The following CCDC170 variants were observed in gnomAD, a reference collection of about 807,000 sequenced individuals.
CCDC170 encodes coiled-coil domain-containing protein 170.
A neutral mutation model predicts 72.6 loss-of-function variants in CCDC170; 69 were observed. The ratio of observed to expected loss-of-function variants is 0.95; its 90% CI spans 0.78 to 1.16. CCDC170 has a LOEUF of 1.16. Ranked by LOEUF, CCDC170 falls within the 50% of genes most tolerant of loss-of-function variation. The pLI, the probability that CCDC170 is intolerant of heterozygous loss-of-function variation, is 0.00. For synonymous variants in CCDC170, 300 were observed against 303.9 expected, an observed-to-expected ratio of 0.99 and a Z score of 0.13; for missense variants, 852 against 832.5, an observed-to-expected ratio of 1.02 and a Z score of -0.29.
intron 1 of CCDC170, among the ~76,000 whole-genome samples, chr6:151,508,959 G>A (rs1782102682): frequency 6.6e-6 from 1 of 151,278 alleles, no homozygotes; most frequent in Non-Finnish European, 1.5e-5. Flanking sequence ...AGGTTGTGGT[G>A]GGGCGAGATC....
intron 1 of CCDC170, among the ~76,000 whole-genome samples, chr6:151,495,836 T>G (rs1781901581): frequency 6.6e-6 from 1 of 152,200 alleles, no homozygotes; most frequent in South Asian, 2.1e-4. Flanking sequence ...GTGTGTTATC[T>G]CCTATGAATA....
chr6:151,565,588 C>T (rs1776122457), intron 5 of CCDC170, among the ~76,000 whole-genome samples: 1 of 152,182 alleles, frequency 6.6e-6, no homozygotes, highest in African/African-American at 2.4e-5. Context: ...CTGATCTATT[C>T]AAACTGTGAT....
intron 2 of CCDC170, among the ~76,000 whole-genome samples, chr6:151,536,773 CAAAAAAAAAAAA>C (rs55663799): frequency 3.4e-4 from 27 of 79,254 alleles, no homozygotes; most frequent in East Asian, 2.8e-3. Flanking sequence ...GACTCCATCT[CAAAAAAAAAAAA>C]AAAAAAAAAA....
intron 9 of CCDC170, among the ~76,000 whole-genome samples, chr6:151,606,386 A>G (rs1020303434): frequency 2.0e-5 from 3 of 152,102 alleles, no homozygotes; most frequent in South Asian, 2.1e-4. Flanking sequence ...TCCATTTGTC[A>G]TTCAGGTGCA....
At chr6:151,565,696 C>T (rs1776124109) in intron 5 of CCDC170, among the ~76,000 whole-genome samples, 1 of 152,184 alleles carries the variant, frequency 6.6e-6, no homozygotes, top group Non-Finnish European at 1.5e-5. Flanking sequence ...CTTCTAATGT[C>T]CCCTAATTTT....
At chr6:151,512,357 A>G (rs1478292320) in intron 1 of CCDC170, among the ~76,000 whole-genome samples, 1 of 151,740 alleles carries the variant, frequency 6.6e-6, no homozygotes, top group Non-Finnish European at 1.5e-5. Flanking sequence ...AGGAGGTTTC[A>G]CCATGTTGGC....
intron 8 of CCDC170, among the ~76,000 whole-genome samples, chr6:151,595,175 T>C (rs1283116397): frequency 1.3e-5 from 2 of 152,104 alleles, no homozygotes; most frequent in African/African-American, 4.8e-5. Context: ...CTTGATAATA[T>C]ATGATTCTGA....
chr6:151,512,919 C>A (rs1358893371), intron 1 of CCDC170, among the ~76,000 whole-genome samples: 1 of 152,156 alleles, frequency 6.6e-6, no homozygotes, highest in Non-Finnish European at 1.5e-5. Flanking sequence ...TAAGCAGTGA[C>A]CCTTAAAGTC....
In CCDC170 at chr6:151,548,374, T is replaced by A; in HGVS notation, c.659T>A (p.Val220Asp). 1.2e-6 allele frequency: 2 copies of A among 1,613,020 alleles called. No homozygotes were observed. Among genetic ancestry groups the A allele is most frequent in the Non-Finnish European group, 1.7e-6 (2 of 1,179,348 alleles). Residue 220 changes from valine to aspartate, a missense_variant, in exon 5 of 11, where the codon GTC becomes GAC. Val to Asp is a radical substitution (Grantham distance 152, BLOSUM62 -3). Transcript: ENST00000239374. ...QIVILEETINVHEMEAKASRE... is the reference protein window; with the variant it reads ...QIVILEETINDHEMEAKASRE... ...GTTATTCTTGAAGAGACTATAAATG[T>A]CCATGAGATGGAAGCAAAAGCTAGC...
intron 1 of CCDC170, among the ~76,000 whole-genome samples, chr6:151,514,317 A>G (rs1782196816): frequency 7.4e-6 from 1 of 135,158 alleles, no homozygotes; most frequent in Admixed American, 7.7e-5. Flanking sequence ...AACGAAAGAA[A>G]ATGAAAGAAA....
chr6:151,543,428 T>A (rs897384471), intron 3 of CCDC170, among the ~76,000 whole-genome samples: 1 of 146,476 alleles, frequency 6.8e-6, no homozygotes, highest in Non-Finnish European at 1.5e-5. Flanking sequence ...ATCCATCATC[T>A]TGAATATTTA....
intron 1 of CCDC170, among the ~76,000 whole-genome samples, chr6:151,529,475 G>C (rs543733361): frequency 5.9e-5 from 9 of 152,140 alleles, no homozygotes; most frequent in Middle Eastern, 3.4e-3. Flanking sequence ...GGGCCAACAT[G>C]GTGAAACCCC....
intron 5 of CCDC170, among the ~76,000 whole-genome samples, chr6:151,566,690 A>C (rs1436201934): frequency 6.6e-6 from 1 of 152,198 alleles, no homozygotes; most frequent in Admixed American, 6.5e-5. Context: ...GATTAGTATA[A>C]TGAATCACTA....
intron 3 of CCDC170, among the ~76,000 whole-genome samples, chr6:151,543,235 T>A (rs968241930): frequency 3.3e-5 from 5 of 152,200 alleles, no homozygotes; most frequent in Admixed American, 6.5e-5. Context: ...TTTGAAACAA[T>A]ATATTCATAA....
intron 7 of CCDC170, among the ~76,000 whole-genome samples, chr6:151,592,093 C>T (rs1776548230): frequency 6.6e-6 from 1 of 152,094 alleles, no homozygotes; most frequent in Non-Finnish European, 1.5e-5. Context: ...CACGGTGGCT[C>T]ATGCCTGTAA....
intron 5 of CCDC170, among the ~76,000 whole-genome samples, chr6:151,572,962 T>C (rs1013102944): frequency 3.9e-5 from 6 of 152,026 alleles, no homozygotes; most frequent in Admixed American, 3.9e-4. Context: ...CCATTTTCTG[T>C]TTTTAAGACA....
chr6:151,532,458 T>C (rs1273239844), intron 1 of CCDC170, among the ~76,000 whole-genome samples: 1 of 151,824 alleles, frequency 6.6e-6, no homozygotes, highest in African/African-American at 2.4e-5. Context: ...AATACAAAAA[T>C]TAGCCAGGTG....
chr6:151,573,303 T>C lies in CCDC170; in HGVS notation c.904T>C (p.Ser302Pro). The C allele has an allele frequency of 6.2e-7, 1 of 1,614,112 alleles. No individual in the cohort carries two copies. Among genetic ancestry groups the C allele is most frequent in the Non-Finnish European group, 8.5e-7 (1 of 1,179,984 alleles). Residue 302 changes from serine to proline, a missense_variant, in exon 6 of 11, where the codon TCT (serine) becomes CCT (proline). By Grantham distance (74) the Ser-to-Pro change is moderately conservative. Transcript: ENST00000239374. ...GGAAGTGAGCCTCCTGAAGAAAAGC[T>C]CTTCTGAGTTGGAGAAGAGTTTGAA... ...KQEVSLLKKS[S>P]SELEKSLKAS... is the part of the protein sequence containing the mutation.
At chr6:151,616,375 C>G (rs1341508067) in intron 10 of CCDC170, among the ~76,000 whole-genome samples, 1 of 152,078 alleles carries the variant, frequency 6.6e-6, no homozygotes, top group Non-Finnish European at 1.5e-5. Context: ...GAAACATGTA[C>G]CGGGCAGCTT....
Sources: gnomAD v4.1 joint callset for allele counts (sites outside exome capture counted in the v4.1 genomes callset) on GRCh38, gnomAD v4.1.1 for gene constraint, MANE v1.5 for transcripts, NCBI Gene and HGNC (gene_info 2026-07-23, HGNC 2026-07-21) for gene names.